Variants in MGAT5 observed in about 807,000 individuals in gnomAD.
MGAT5 encodes the protein alpha-1,6-mannosylglycoprotein 6-beta-N-acetylglucosaminyltransferase.
In MGAT5, 30 loss-of-function variants were observed where a neutral mutation model predicts 94.3. That is an observed-to-expected ratio of 0.32 (90% confidence interval 0.24 to 0.43). The LOEUF (loss-of-function observed/expected upper bound fraction) is 0.43, where lower values mean the gene tolerates loss of function less well. MGAT5 is among the 20% of genes least tolerant of loss of function. The probability of loss-of-function intolerance (pLI) is 1.00; values close to 1 mark genes in which losing one functional copy is unlikely to be tolerated. For missense variants in MGAT5, 691 were observed against 905.5 expected (o/e 0.76, Z 3.04); for synonymous variants, 310 against 322.9 (o/e 0.96, Z 0.43).
intron 1 of MGAT5, among the ~76,000 whole-genome samples, chr2:134,177,310 G>A (rs1426022763): frequency 6.6e-6 from 1 of 152,120 alleles, no homozygotes; most frequent in Non-Finnish European, 1.5e-5. Flanking sequence ...TTGACTTTTT[G>A]AAAACAGGTT....
chr2:134,130,368 T>C (rs1374727886), intron 1 of MGAT5, among the ~76,000 whole-genome samples: 2 of 152,124 alleles, frequency 1.3e-5, no homozygotes, highest in Non-Finnish European at 2.9e-5. Context: ...CCGGGTCCCA[T>C]TGACTGCCCA....
chr2:134,169,014 G>A (rs1688076936), intron 1 of MGAT5, among the ~76,000 whole-genome samples: 1 of 152,166 alleles, frequency 6.6e-6, no homozygotes, highest in South Asian at 2.1e-4. Flanking sequence ...GCCCACCTTT[G>A]TCCTGTGCCA....
rs9678165 is a variant in MGAT5 at position 134,376,116 on chromosome 2, G to C, written c.1380+13708G>C. ...GGCCTCCAGATGGTGCCAGCACACC[G>C]ACAATGAATAATGAGGAGCTTCCCA... On this transcript the variant is annotated intron_variant, in intron 10 of 15. Coordinates refer to ENST00000281923, the MANE Select transcript of MGAT5 (RefSeq NM_002410.5). Among the ~76,000 whole-genome samples, 1,220 of 152,276 alleles carry C rather than the reference G, an allele frequency of 8.0e-3. 15 individuals are homozygous for C. Among genetic ancestry groups the C allele is most frequent in the African/African-American group, 0.027 (1,142 of 41,550 alleles).
At chr2:134,262,340 C>A (rs1683390817) in intron 1 of MGAT5, among the ~76,000 whole-genome samples, 1 of 152,210 alleles carries the variant, frequency 6.6e-6, no homozygotes, top group South Asian at 2.1e-4. Flanking sequence ...CAGACTCAAG[C>A]CTTATGCCCA....
chr2:134,220,795 T>A lies in MGAT5; in HGVS notation c.-142-33467T>A, dbSNP rs984734840. Among the ~76,000 whole-genome samples, 10 of 152,324 alleles carry A rather than the reference T, an allele frequency of 6.6e-5. No homozygotes were observed. The East Asian group carries it at 1.7e-3, about 26-fold the overall frequency. On this transcript the variant is annotated intron_variant, in intron 1 of 16. Coordinates refer to the MGAT5 transcript ENST00000409645. ...CCTTTTTTATCTTCACGTATGTTAC[T>A]GACTCCTCACTCTGACTTATAGCAG...
chr2:134,131,846 G>A lies in MGAT5; in HGVS notation c.-143+11555G>A, dbSNP rs79708996. On this transcript the variant is annotated intron_variant, in intron 1 of 16. Coordinates refer to the MGAT5 transcript ENST00000409645. ...GACTGGGCTTGCACCTTCAGACCCC[G>A]CCACCTCCATGAGATCGTGCCCAGG... Among the ~76,000 whole-genome samples the A allele has an allele frequency of 0.022, 3,360 of 152,194 alleles. 282 individuals are homozygous for A. The East Asian group carries it at 0.26, about 12-fold the overall frequency.
At chr2:134,153,324 G>A (rs1314211254) in intron 1 of MGAT5, among the ~76,000 whole-genome samples, 1 of 152,158 alleles carries the variant, frequency 6.6e-6, no homozygotes, top group Non-Finnish European at 1.5e-5. Context: ...AAAGTGCTGA[G>A]GCTTAATCAG....
chr2:134,222,461 A>T (rs963051903), intron 1 of MGAT5, among the ~76,000 whole-genome samples: 1 of 152,272 alleles, frequency 6.6e-6, no homozygotes, highest in East Asian at 1.9e-4. Flanking sequence ...AAATTGTGGG[A>T]CCAACATTTA....
intron 4 of MGAT5, among the ~76,000 whole-genome samples, chr2:134,335,864 C>A (rs184581167): frequency 6.6e-6 from 1 of 152,316 alleles, no homozygotes; most frequent in East Asian, 1.9e-4. Flanking sequence ...ACCTTACATT[C>A]TCATTCCCCA....
At chr2:134,426,928 G>A (rs1330514371) in intron 13 of MGAT5, among the ~76,000 whole-genome samples, 1 of 152,072 alleles carries the variant, frequency 6.6e-6, no homozygotes, top group Non-Finnish European at 1.5e-5. Flanking sequence ...CAGTATTTAC[G>A]GCTCAGCCTC....
At chr2:134,353,239 A>G (rs1403679880) in intron 9 of MGAT5, among the ~76,000 whole-genome samples, 1 of 101,114 alleles carries the variant, frequency 9.9e-6, no homozygotes, top group East Asian at 3.3e-4. Context: ...TTCACTAAAA[A>G]TTGAAAACAG....
rs61501319 is a variant in MGAT5 at position 134,450,368 on chromosome 2, C to T, written c.*1521C>T. Reference sequence around the variant, plus strand: ...ACAGAGGGCGGCCCAGTGGAGCCTCCGCTGGGCAGAACTGATGGGCAAGGC... The same window carrying T: ...ACAGAGGGCGGCCCAGTGGAGCCTCTGCTGGGCAGAACTGATGGGCAAGGC... On this transcript the variant is annotated 3_prime_UTR_variant, in exon 16 of 16. Transcript: ENST00000281923. 8,545 of 152,208 alleles carry T rather than the reference C, an allele frequency of 0.056. 466 individuals are homozygous for T. Among genetic ancestry groups the T allele is most frequent in the African/African-American group, 0.14 (5,796 of 41,506 alleles). The allele number at this position is 152,208 out of a possible 1,614,324, so 9.4% of individuals were successfully genotyped here.
At chr2:134,259,345 G>A (rs1181650996) in intron 1 of MGAT5, among the ~76,000 whole-genome samples, 1 of 152,222 alleles carries the variant, frequency 6.6e-6, no homozygotes, top group Non-Finnish European at 1.5e-5. Context: ...TCTTGTTTCT[G>A]AGGTGAATTG....
At chr2:134,136,062 A>G (rs1448810019) in intron 1 of MGAT5, among the ~76,000 whole-genome samples, 1 of 152,234 alleles carries the variant, frequency 6.6e-6, no homozygotes, top group Non-Finnish European at 1.5e-5. Context: ...AAGGTTGGAC[A>G]TAAGTCACAG....
At position 134,240,325 on chromosome 2, in the gene MGAT5, G is replaced by T. The variant is rs563810289; in HGVS notation, c.-142-13937G>T. On this transcript the variant is annotated intron_variant, in intron 1 of 16. Coordinates refer to the MGAT5 transcript ENST00000409645. ...CTCTCATCCCCTAGGGATTTTTGAGGGTGCCCTGAGCTTTCATTCTAAAAT... is the reference window on the plus strand; with the variant it reads ...CTCTCATCCCCTAGGGATTTTTGAGTGTGCCCTGAGCTTTCATTCTAAAAT... 4.6e-5 allele frequency among the ~76,000 whole-genome samples: 7 copies of T among 151,174 alleles called. No individual in the cohort carries two copies. The Middle Eastern group carries it at 0.01, about 222-fold the overall frequency.
At chr2:134,372,837 A>G (rs1573946295) in intron 10 of MGAT5, among the ~76,000 whole-genome samples, 3 of 152,212 alleles carry the variant, frequency 2.0e-5, no homozygotes, top group Non-Finnish European at 4.4e-5. Flanking sequence ...TGTGAGAAGA[A>G]AACATACAAG....
At chr2:134,365,681 G>A (rs571683533) in intron 10 of MGAT5, among the ~76,000 whole-genome samples, 14 of 152,200 alleles carry the variant, frequency 9.2e-5, no homozygotes, top group African/African-American at 2.6e-4. Context: ...CCTGCAGCCT[G>A]GAGAGAAAGA....
chr2:134,122,192 C>G (rs1685643193), intron 1 of MGAT5, among the ~76,000 whole-genome samples: 1 of 152,028 alleles, frequency 6.6e-6, no homozygotes, highest in Non-Finnish European at 1.5e-5. Flanking sequence ...GCAGCCTCAG[C>G]TTTCCGGGTT....
At chr2:134,120,297 A>T (rs1685502987) in intron 1 of MGAT5, 1 of 390,946 alleles carries the variant, frequency 2.6e-6, no homozygotes, top group Non-Finnish European at 4.5e-6. Context: ...AGGAGGTAAG[A>T]GCTGCCGGAT....
Sources: gnomAD v4.1 joint callset for allele counts (sites outside exome capture counted in the v4.1 genomes callset) on GRCh38, gnomAD v4.1.1 for gene constraint, MANE v1.5 for transcripts, NCBI Gene and HGNC (gene_info 2026-07-23, HGNC 2026-07-21) for gene names.